Variants in STAP1 observed in about 807,000 individuals in gnomAD.
The protein encoded by STAP1 is signal-transducing adaptor protein 1.
In STAP1, 30 loss-of-function variants were observed where a neutral mutation model predicts 37.8. That is an observed-to-expected ratio of 0.79 (90% CI 0.59 to 1.08). STAP1 has a LOEUF of 1.08. Ranked by LOEUF, STAP1 falls within the 50% of genes least tolerant of loss-of-function variation. STAP1 has a pLI of 0.00. For missense variants in STAP1, 357 were observed against 349.4 expected (o/e 1.02, Z -0.17); for synonymous variants, 130 against 116.0 (o/e 1.12, Z -0.78).
chr4:67,586,733 T>C (rs1214466366), intron 6 of STAP1, among the ~76,000 whole-genome samples: 1 of 152,210 alleles, frequency 6.6e-6, no homozygotes, highest in East Asian at 1.9e-4. Flanking sequence ...AGTTGCATAA[T>C]TCTAAATTTA....
chr4:67,584,565 A>G (rs144882223), intron 6 of STAP1, among the ~76,000 whole-genome samples: 149 of 152,326 alleles, frequency 9.8e-4, no homozygotes, highest in Non-Finnish European at 1.6e-3. Flanking sequence ...TTTAATATAG[A>G]GTGGTCAAGG....
chr4:67,596,272 C>T (rs1728221664), intron 8 of STAP1, among the ~76,000 whole-genome samples: 1 of 152,180 alleles, frequency 6.6e-6, no homozygotes, highest in South Asian at 2.1e-4. Flanking sequence ...ACGTGTCTTG[C>T]TTCCCCTTCA....
At chr4:67,580,470 T>C (rs1444989628) in intron 4 of STAP1, among the ~76,000 whole-genome samples, 3 of 152,212 alleles carry the variant, frequency 2.0e-5, no homozygotes, top group Non-Finnish European at 4.4e-5. Flanking sequence ...AGTGAAGTTA[T>C]AATGTTTTCT....
At chr4:67,559,585 T>TA (rs1428577293) in intron 1 of STAP1, among the ~76,000 whole-genome samples, 1 of 152,094 alleles carries the variant, frequency 6.6e-6, no homozygotes, top group Non-Finnish European at 1.5e-5. Flanking sequence ...ATGTAATAAT[T>TA]AAAACTTATA....
chr4:67,593,008 G>A (rs1459745923), intron 7 of STAP1, among the ~76,000 whole-genome samples: 1 of 152,162 alleles, frequency 6.6e-6, no homozygotes, highest in Non-Finnish European at 1.5e-5. Context: ...TTAATTGAGG[G>A]AGAGCAAGGT....
rs1362111128 is a variant in STAP1, at chr4:67,571,720, T to C, written c.192+565T>C. Among the ~76,000 whole-genome samples the C allele has an allele frequency of 2.6e-5, 4 of 152,314 alleles. 1 individual carries two copies. On this transcript the variant is annotated intron_variant, in intron 2 of 8. Coordinates refer to ENST00000265404, the MANE Select transcript of STAP1 (RefSeq NM_012108.4). Reference sequence around the variant, plus strand: ...CAGTTCTTCCAGGAATAAGATATAGTATTTTAGTGGCAAATGCTTACCTAC... The same window carrying C: ...CAGTTCTTCCAGGAATAAGATATAGCATTTTAGTGGCAAATGCTTACCTAC...
At chr4:67,596,513 C>A (rs574485355) in intron 8 of STAP1, among the ~76,000 whole-genome samples, 1 of 152,056 alleles carries the variant, frequency 6.6e-6, no homozygotes, top group South Asian at 2.1e-4. Flanking sequence ...CAGAAGAAGA[C>A]AAAAAGATGT....
intron 8 of STAP1, among the ~76,000 whole-genome samples, chr4:67,600,996 T>A (rs1468076322): frequency 1.3e-5 from 2 of 152,214 alleles, no homozygotes; most frequent in Non-Finnish European, 2.9e-5. Context: ...AAGGACTTAC[T>A]ACTGCCATTT....
intron 4 of STAP1, among the ~76,000 whole-genome samples, chr4:67,578,584 T>C (rs17088476): frequency 0.092 from 14,033 of 152,152 alleles, 906 homozygotes; most frequent in African/African-American, 0.18. Flanking sequence ...GGAAAATATC[T>C]CTGAGTGGTA....
At chr4:67,588,012 C>T (rs1368589089) in intron 6 of STAP1, among the ~76,000 whole-genome samples, 4 of 142,894 alleles carry the variant, frequency 2.8e-5, no homozygotes, top group Non-Finnish European at 4.5e-5. Context: ...GTGTGAGCCA[C>T]CGCACCCGGC....
chr4:67,562,765 C>A (rs550666718), intron 1 of STAP1, among the ~76,000 whole-genome samples: 140 of 151,714 alleles, frequency 9.2e-4, no homozygotes, highest in African/African-American at 3.1e-3. Context: ...GAGGGAGACT[C>A]CATCTCAAAA....
At chr4:67,576,146 C>T (rs944073710) in intron 3 of STAP1, among the ~76,000 whole-genome samples, 4 of 152,106 alleles carry the variant, frequency 2.6e-5, no homozygotes, top group Non-Finnish European at 5.9e-5. Context: ...GGAAGTAAGT[C>T]TCCTCTCAGA....
At position 67,593,327 on chromosome 4, in the gene STAP1, C is replaced by CATTT; in HGVS notation, c.800_803dup (p.Cys269TyrfsTer5). Reference sequence around the variant, plus strand: ...AAGGAGACTCGAGGAAATTTAAGACCATTTATATGTTCAACTGATGAAAAC... The same window carrying CATTT: ...AAGGAGACTCGAGGAAATTTAAGACCATTTATTTATATGTTCAACTGATGAAAAC... On this transcript the variant is annotated frameshift_variant, in exon 8 of 9. Transcript: ENST00000265404. LOFTEE classifies it high-confidence loss of function. 6.2e-7 allele frequency: 1 copy of CATTT among 1,612,562 alleles called. No homozygotes were observed. The highest frequency in any genetic ancestry group is 8.5e-7 in the Non-Finnish European group (1 of 1,179,158).
chr4:67,603,810 T>G (rs1172580505), intron 8 of STAP1, among the ~76,000 whole-genome samples: 4 of 151,928 alleles, frequency 2.6e-5, no homozygotes, highest in Non-Finnish European at 4.4e-5. Context: ...GAGGAGTCTT[T>G]CCTGGAGTTG....
intron 8 of STAP1, among the ~76,000 whole-genome samples, chr4:67,599,630 TTTTTTC>T (rs1425372148): frequency 1.6e-4 from 24 of 151,972 alleles, no homozygotes; most frequent in African/African-American, 5.3e-4. Context: ...GTTGATTTTC[TTTTTTC>T]TTTTTCTTTT....
At chr4:67,576,376 G>A (rs557374676) in intron 3 of STAP1, among the ~76,000 whole-genome samples, 4 of 149,360 alleles carry the variant, frequency 2.7e-5, no homozygotes, top group East Asian at 2.0e-4. Flanking sequence ...TTTTTTTTTC[G>A]TTCCCTAATA....
At chr4:67,596,121 G>A (rs890055225) in intron 8 of STAP1, among the ~76,000 whole-genome samples, 5 of 151,268 alleles carry the variant, frequency 3.3e-5, no homozygotes, top group African/African-American at 1.2e-4. Context: ...TGTTGAGGTA[G>A]GGACCTGGTA....
intron 2 of STAP1, among the ~76,000 whole-genome samples, chr4:67,571,386 T>G (rs1727603187): frequency 6.6e-6 from 1 of 152,246 alleles, no homozygotes; most frequent in South Asian, 2.1e-4. Context: ...TTTCATTATT[T>G]TCTTTCTGAT....
rs776394861 is a variant in STAP1 at position 67,571,092 on chromosome 4, G to C, written c.129G>C (p.Glu43Asp). ...TGGTTTCTTTCCCACAGGAGTATGA[G>C]CATTACTGGACAGAGTTGAGAGGAA... The part of the protein sequence containing the change: ...LIKRSGYREY[E>D]HYWTELRGTT... The change falls in exon 2 of 9, where the codon GAG (glutamate) becomes GAC (aspartate). Residue 43 changes from glutamate (E) to aspartate (D), a missense_variant. Glu to Asp is a conservative substitution (Grantham distance 45, BLOSUM62 2). Coordinates refer to ENST00000265404, the MANE Select transcript of STAP1 (RefSeq NM_012108.4). 30 of 1,610,710 alleles carry C rather than the reference G, an allele frequency of 1.9e-5. No homozygotes were observed. The highest frequency in any genetic ancestry group is 2.3e-5 in the Non-Finnish European group (27 of 1,177,390).
Sources: gnomAD v4.1 joint callset for allele counts (sites outside exome capture counted in the v4.1 genomes callset) on GRCh38, gnomAD v4.1.1 for gene constraint, MANE v1.5 for transcripts, NCBI Gene and HGNC (gene_info 2026-07-23, HGNC 2026-07-21) for gene names.